Variants in SLC24A2 observed in about 807,000 individuals in gnomAD.
SLC24A2 encodes the protein solute carrier family 24 member 2.
A neutral mutation model predicts 62.0 loss-of-function variants in SLC24A2; 36 were observed. That is an observed-to-expected ratio of 0.58 (90% CI 0.44 to 0.77). SLC24A2 has a LOEUF of 0.77. Ranked by LOEUF, SLC24A2 falls within the 30% of genes least tolerant of loss-of-function variation. SLC24A2 has a pLI of 0.00. For synonymous variants in SLC24A2, 358 were observed against 294.0 expected, an observed-to-expected ratio of 1.22 and a Z score of -2.23; for missense variants, 846 against 817.9, an observed-to-expected ratio of 1.03 and a Z score of -0.42.
chr9:20,217,936 G>A, the SLC24A2 span, among the ~76,000 whole-genome samples: 35 of 152,118 alleles, frequency 2.3e-4, no homozygotes, highest in Non-Finnish European at 4.6e-4. Context: ...AGTTATATGC[G>A]TTTTCCAATG....
At chr9:19,577,080 G>T in intron 5 of SLC24A2, 58 bp from the exon 6 acceptor site, 2 of 1,402,430 alleles carry the variant, frequency 1.4e-6, no homozygotes, top group African/African-American at 1.4e-5. Flanking sequence ...GAGTCTCAGG[G>T]CCAAGCAGGT....
At chr9:19,821,052 G>A in the SLC24A2 span, among the ~76,000 whole-genome samples, 139 of 152,090 alleles carry the variant, frequency 9.1e-4, no homozygotes, top group African/African-American at 3.1e-3. Flanking sequence ...GAAATAAAAT[G>A]GTAAATTTTT....
the SLC24A2 span, among the ~76,000 whole-genome samples, chr9:19,942,256 C>T: frequency 6.6e-6 from 1 of 152,144 alleles, no homozygotes; most frequent in East Asian, 1.9e-4. Flanking sequence ...TGCATCCATG[C>T]TAAACACGTT....
chr9:19,875,717 T>C, the SLC24A2 span, among the ~76,000 whole-genome samples: 1 of 152,186 alleles, frequency 6.6e-6, no homozygotes, highest in East Asian at 1.9e-4. Context: ...GTGAGAAATA[T>C]AGTGGTTGCA....
At chr9:20,239,466 G>A in the SLC24A2 span, among the ~76,000 whole-genome samples, 15 of 152,078 alleles carry the variant, frequency 9.9e-5, no homozygotes, top group Non-Finnish European at 8.8e-5. Context: ...GTTTAAGGGG[G>A]CCTGGTCAGG....
the SLC24A2 span, among the ~76,000 whole-genome samples, chr9:20,142,143 C>T: frequency 6.6e-6 from 1 of 151,704 alleles, no homozygotes; most frequent in Admixed American, 6.6e-5. Flanking sequence ...GAAGACTTTG[C>T]TTACTATTTC....
chr9:19,966,516 A>G, the SLC24A2 span, among the ~76,000 whole-genome samples: 4 of 152,224 alleles, frequency 2.6e-5, no homozygotes, highest in Non-Finnish European at 4.4e-5. Flanking sequence ...GAGAAATTCA[A>G]ATCTTAAACA....
the SLC24A2 span, among the ~76,000 whole-genome samples, chr9:19,885,933 C>CT: frequency 6.6e-6 from 1 of 152,148 alleles, no homozygotes; most frequent in Non-Finnish European, 1.5e-5. Context: ...CAATCTCATT[C>CT]TTTTTTATGA....
the SLC24A2 span, among the ~76,000 whole-genome samples, chr9:19,799,683 A>G: frequency 2.0e-5 from 3 of 152,224 alleles, no homozygotes; most frequent in African/African-American, 7.2e-5. Context: ...AGCTCACAGC[A>G]TGGCTCGTAA....
At chr9:20,227,814 A>C in the SLC24A2 span, among the ~76,000 whole-genome samples, 1 of 152,140 alleles carries the variant, frequency 6.6e-6, no homozygotes, top group Admixed American at 6.5e-5. Flanking sequence ...TCACATACAC[A>C]CACATCTCCC....
the SLC24A2 span, among the ~76,000 whole-genome samples, chr9:20,182,624 A>C: frequency 6.6e-6 from 1 of 152,092 alleles, no homozygotes; most frequent in African/African-American, 2.4e-5. Flanking sequence ...ATCACACACC[A>C]GGGCCTGTCG....
intron 2 of SLC24A2, among the ~76,000 whole-genome samples, chr9:19,742,436 C>A (rs1821707625): frequency 6.6e-6 from 1 of 152,152 alleles, no homozygotes; most frequent in Non-Finnish European, 1.5e-5. Flanking sequence ...ATAGTAGATA[C>A]AGAAATTATC....
chr9:20,036,363 T>C, the SLC24A2 span, among the ~76,000 whole-genome samples: 1 of 152,210 alleles, frequency 6.6e-6, no homozygotes, highest in Non-Finnish European at 1.5e-5. Flanking sequence ...CTTAGCAATA[T>C]TGAAATGTAC....
At chr9:20,046,302 A>C in the SLC24A2 span, among the ~76,000 whole-genome samples, 13 of 152,350 alleles carry the variant, frequency 8.5e-5, no homozygotes, top group Middle Eastern at 3.4e-3. Flanking sequence ...GTAAGGAAAG[A>C]AAAAGAAAGG....
the SLC24A2 span, among the ~76,000 whole-genome samples, chr9:19,966,413 C>A: frequency 6.6e-6 from 1 of 152,076 alleles, no homozygotes; most frequent in Non-Finnish European, 1.5e-5. Flanking sequence ...TAACAATTAG[C>A]GGGTATGAAC....
the SLC24A2 span, among the ~76,000 whole-genome samples, chr9:20,263,817 A>T: frequency 6.9e-6 from 1 of 143,942 alleles, no homozygotes; most frequent in Non-Finnish European, 1.5e-5. Context: ...GCAGGAAGTA[A>T]ACCTGCTTCC....
the SLC24A2 span, among the ~76,000 whole-genome samples, chr9:19,915,943 T>G: frequency 6.6e-6 from 1 of 152,094 alleles, no homozygotes; most frequent in African/African-American, 2.4e-5. Flanking sequence ...TTATTTATTG[T>G]GCTTTTGATG....
the SLC24A2 span, among the ~76,000 whole-genome samples, chr9:19,820,295 G>A: frequency 1.3e-5 from 2 of 149,812 alleles, no homozygotes; most frequent in African/African-American, 4.9e-5. Context: ...GGAAGAGTGG[G>A]AGGGGGCAAG....
At chr9:19,978,801 G>A in the SLC24A2 span, among the ~76,000 whole-genome samples, 2 of 152,066 alleles carry the variant, frequency 1.3e-5, no homozygotes, top group Non-Finnish European at 2.9e-5. Context: ...CAGCTGGGTG[G>A]GAGGACAAGA....
Sources: gnomAD v4.1 joint callset for allele counts (sites outside exome capture counted in the v4.1 genomes callset) on GRCh38, gnomAD v4.1.1 for gene constraint, MANE v1.5 for transcripts, NCBI Gene and HGNC (gene_info 2026-07-23, HGNC 2026-07-21) for gene names.